KANSL1: variants seen among roughly 807,000 people sequenced by gnomAD.
KANSL1 encodes KAT8 regulatory NSL complex subunit 1.
In KANSL1, 22 loss-of-function variants were observed where a neutral mutation model predicts 103.6. The ratio of observed to expected loss-of-function variants is 0.21; its 90% CI spans 0.15 to 0.30. The LOEUF (loss-of-function observed/expected upper bound fraction) is 0.30. KANSL1 is among the 10% of genes least tolerant of loss of function. The probability of loss-of-function intolerance (pLI) is 1.00; values close to 1 mark genes in which losing one functional copy is unlikely to be tolerated. For synonymous variants in KANSL1, 600 were observed against 527.6 expected (o/e 1.14, Z -1.88); for missense variants, 1,337 against 1,399.8 (o/e 0.96, Z 0.72).
chr17:46,105,948 C>CACACACACACACACACA (rs373189477), intron 2 of KANSL1, among the ~76,000 whole-genome samples: 6 of 39,034 alleles, frequency 1.5e-4, no homozygotes, highest in African/African-American at 5.0e-4. Context: ...CACACACACA[C>CACACACACACACACACA]CCCCCCAGAA....
At chr17:46,157,760 G>A (rs1048220814) in intron 2 of KANSL1, among the ~76,000 whole-genome samples, 2 of 152,182 alleles carry the variant, frequency 1.3e-5, no homozygotes, top group Non-Finnish European at 2.9e-5. Context: ...TATACAGTTG[G>A]GCAGAAGCAA....
At chr17:46,124,183 G>A (rs1396165350) in intron 2 of KANSL1, among the ~76,000 whole-genome samples, 1 of 152,190 alleles carries the variant, frequency 6.6e-6, no homozygotes, top group African/African-American at 2.4e-5. Context: ...AGAACTGCTT[G>A]AGCCCAGTAG....
chr17:46,142,719 A>G (rs966361492), intron 2 of KANSL1, among the ~76,000 whole-genome samples: 1 of 152,272 alleles, frequency 6.6e-6, no homozygotes, highest in African/African-American at 2.4e-5. Context: ...TTATCAGTTT[A>G]GCAAATATTT....
At chr17:46,194,784 C>CGTCA (rs2047550533), upstream of KANSL1, among the ~76,000 whole-genome samples, 1 of 152,224 alleles carries the variant, frequency 6.6e-6, no homozygotes, top group African/African-American at 2.4e-5. Flanking sequence ...CGGCATTATA[C>CGTCA]GTCACTTCTG....
At chr17:46,151,780 C>T (rs1237869909) in intron 2 of KANSL1, among the ~76,000 whole-genome samples, 2 of 152,238 alleles carry the variant, frequency 1.3e-5, no homozygotes, top group African/African-American at 4.8e-5. Context: ...CATGTTGAGG[C>T]TACTCCTAGA....
intron 2 of KANSL1, among the ~76,000 whole-genome samples, chr17:46,166,000 C>G (rs1475608733): frequency 1.3e-5 from 2 of 151,268 alleles, no homozygotes; most frequent in African/African-American, 2.4e-5. Flanking sequence ...TACCTGAGGT[C>G]GGGAGTTCTG....
At chr17:46,195,287 T>TA (rs1386390271), upstream of KANSL1, among the ~76,000 whole-genome samples, 2 of 152,264 alleles carry the variant, frequency 1.3e-5, no homozygotes, top group African/African-American at 2.4e-5. Flanking sequence ...AAAATAATCT[T>TA]ACTGCTGCTC....
intron 2 of KANSL1, among the ~76,000 whole-genome samples, chr17:46,137,147 T>A (rs1567716762): frequency 6.6e-6 from 1 of 152,212 alleles, no homozygotes; most frequent in Non-Finnish European, 1.5e-5. Flanking sequence ...AGACTCCTAT[T>A]CACACTTATT....
Position 46,064,008 on chromosome 17 carries a change from G to A in KANSL1, c.1848+2529C>T, listed in dbSNP as rs182830088. On this transcript the variant is annotated intron_variant, in intron 6 of 14. Coordinates refer to ENST00000432791, the MANE Select transcript of KANSL1 (RefSeq NM_015443.4). ...TAATATACTGTTTTCTGACATTCCT[G>A]TTATCAACTCCTCTGAAAATCTTTT... is the stretch of plus-strand genomic sequence containing the variant. Among the ~76,000 whole-genome samples the A allele has an allele frequency of 2.2e-4, 28 of 127,306 alleles. No homozygotes were observed. The East Asian group carries it at 6.6e-3, about 30-fold the overall frequency. 83.5% of individuals were successfully genotyped at this position (127,306 alleles called of 152,430 possible).
intron 6 of KANSL1, among the ~76,000 whole-genome samples, chr17:46,058,400 A>C (rs2078006594): frequency 6.6e-6 from 1 of 152,172 alleles, no homozygotes; most frequent in Admixed American, 6.5e-5. Context: ...CCAACTCCTC[A>C]CCTGACCTAA....
chr17:46,127,796 A>AT (rs1021956187), intron 2 of KANSL1, among the ~76,000 whole-genome samples: 49 of 152,226 alleles, frequency 3.2e-4, no homozygotes, highest in African/African-American at 1.0e-3. Context: ...AAAAAGTTAA[A>AT]TGCTGATGAC....
chr17:46,116,050 T>A (rs1319815417), intron 2 of KANSL1, among the ~76,000 whole-genome samples: 1 of 152,172 alleles, frequency 6.6e-6, no homozygotes, highest in Non-Finnish European at 1.5e-5. Flanking sequence ...ACGAGAAGAA[T>A]CCCCGGAACC....
At chr17:46,129,669 T>C (rs1403010375) in intron 2 of KANSL1, among the ~76,000 whole-genome samples, 1 of 152,222 alleles carries the variant, frequency 6.6e-6, no homozygotes, top group African/African-American at 2.4e-5. Context: ...AAGGGAAGAT[T>C]GGAGATCACT....
intron 2 of KANSL1, among the ~76,000 whole-genome samples, chr17:46,105,943 ACACACC>A (rs781097310): frequency 0.08 from 5,555 of 69,040 alleles, 192 homozygotes; most frequent in African/African-American, 0.12. Flanking sequence ...ACACACACAC[ACACACC>A]CCCCCAGAAG....
intron 2 of KANSL1, among the ~76,000 whole-genome samples, chr17:46,129,283 G>A (rs2043728564): frequency 6.6e-6 from 1 of 152,124 alleles, no homozygotes; most frequent in African/African-American, 2.4e-5. Flanking sequence ...GCAAATACTG[G>A]TACGATGTCA....
In KANSL1 at chr17:46,059,647, A is replaced by AAGAGAGAGAGAGAG. The variant is rs56065215; in HGVS notation, c.1848+6876_1848+6889dup. Among the ~76,000 whole-genome samples, 282 of 54,856 alleles carry AAGAGAGAGAGAGAG rather than the reference A, an allele frequency of 5.1e-3. 3 individuals carry two copies. The highest frequency in any genetic ancestry group is 0.013 in the Middle Eastern group (1 of 80). 36.0% of individuals were successfully genotyped at this position (54,856 alleles called of 152,430 possible). On this transcript the variant is annotated intron_variant, in intron 6 of 14. Coordinates refer to ENST00000432791, the MANE Select transcript of KANSL1 (RefSeq NM_015443.4). ...TGACTCCAAAAAAAAAAAAAAAAAA[A>AAGAGAGAGAGAGAG]AGAGAGAGAGAGAGAGAGAAAAGGA...
intron 2 of KANSL1, among the ~76,000 whole-genome samples, chr17:46,109,585 T>C (rs1431407857): frequency 1.3e-5 from 2 of 151,916 alleles, no homozygotes; most frequent in Admixed American, 1.3e-4. Context: ...ACCTCAAAGG[T>C]TGAGCTAGTT....
In KANSL1 at chr17:46,111,971, T is replaced by C. The variant is rs144278612; in HGVS notation, c.1290-17270A>G. On this transcript the variant is annotated intron_variant, in intron 2 of 14. Coordinates refer to ENST00000432791, the MANE Select transcript of KANSL1 (RefSeq NM_015443.4). ...GATCCCACAGAAACGAGAGCACCAA[T>C]ACAATAATGTTTACTATCAAGGTAA... Among the ~76,000 whole-genome samples, 1,348 of 152,330 alleles carry C rather than the reference T, an allele frequency of 8.8e-3. 18 individuals carry two copies. The highest frequency in any genetic ancestry group is 0.031 in the African/African-American group (1,297 of 41,566).
chr17:46,064,845 T>C (rs893426591), intron 6 of KANSL1, among the ~76,000 whole-genome samples: 2 of 151,822 alleles, frequency 1.3e-5, no homozygotes, highest in African/African-American at 4.8e-5. Flanking sequence ...CCCTCCTCTA[T>C]TGCATTTCTC....
Sources: gnomAD v4.1 joint callset for allele counts (sites outside exome capture counted in the v4.1 genomes callset) on GRCh38, gnomAD v4.1.1 for gene constraint, MANE v1.5 for transcripts, NCBI Gene and HGNC (gene_info 2026-07-23, HGNC 2026-07-21) for gene names.